The following AKAP6 variants were observed in gnomAD, a reference collection of about 807,000 sequenced individuals.
The protein encoded by AKAP6 is A-kinase anchoring protein 6, also known as A-kinase anchor protein 6.
Under a neutral mutation model 188.5 loss-of-function variants are expected in AKAP6, and 58 were observed. The ratio of observed to expected loss-of-function variants is 0.31; its 90% CI spans 0.25 to 0.38. The LOEUF is 0.38. AKAP6 is among the 10% of genes least tolerant of loss of function. The pLI, the probability that AKAP6 is intolerant of heterozygous loss-of-function variation, is 1.00. For missense variants in AKAP6, 2,710 were observed against 2,740.0 expected (o/e 0.99, Z 0.24); for synonymous variants, 989 against 998.6 (o/e 0.99, Z 0.18).
intron 13 of AKAP6, among the ~76,000 whole-genome samples, chr14:32,829,195 A>G (rs2034760058): frequency 6.6e-6 from 1 of 152,222 alleles, no homozygotes; most frequent in African/African-American, 2.4e-5. Flanking sequence ...TATCATAGCC[A>G]TGAGATGTAC....
intron 9 of AKAP6, among the ~76,000 whole-genome samples, chr14:32,705,798 C>G (rs1465965469): frequency 6.6e-6 from 1 of 152,122 alleles, no homozygotes; most frequent in Non-Finnish European, 1.5e-5. Flanking sequence ...TGGCTATTGG[C>G]TCTGCTTGGC....
intron 2 of AKAP6, among the ~76,000 whole-genome samples, chr14:32,491,413 C>T (rs1196914135): frequency 6.6e-6 from 1 of 152,204 alleles, no homozygotes; most frequent in African/African-American, 2.4e-5. Context: ...AAAGATCTCT[C>T]TAAATACAAA....
chr14:32,602,264 G>A (rs1885958030), intron 7 of AKAP6, among the ~76,000 whole-genome samples: 1 of 152,280 alleles, frequency 6.6e-6, no homozygotes, highest in African/African-American at 2.4e-5. Flanking sequence ...AGGAGGCTGA[G>A]GCAGGAGGAT....
intron 2 of AKAP6, among the ~76,000 whole-genome samples, chr14:32,478,262 C>T (rs529121515): frequency 6.6e-6 from 1 of 152,294 alleles, no homozygotes; most frequent in Non-Finnish European, 1.5e-5. Flanking sequence ...GCCCACAAGC[C>T]AAGTCCCTGT....
intron 7 of AKAP6, among the ~76,000 whole-genome samples, chr14:32,635,090 A>G (rs1887430390): frequency 6.6e-6 from 1 of 152,050 alleles, no homozygotes; most frequent in South Asian, 2.1e-4. Flanking sequence ...CTAGCTAAAT[A>G]AAGTGTATGT....
At chr14:32,697,988 A>G (rs569153287) in intron 9 of AKAP6, among the ~76,000 whole-genome samples, 5 of 152,166 alleles carry the variant, frequency 3.3e-5, no homozygotes, top group Admixed American at 6.5e-5. Context: ...GGTGCTTAAC[A>G]TAGCTCTGCT....
chr14:32,397,528 C>T (rs1174580966), intron 1 of AKAP6, among the ~76,000 whole-genome samples: 1 of 152,066 alleles, frequency 6.6e-6, no homozygotes, highest in Non-Finnish European at 1.5e-5. Flanking sequence ...CAGGTGCTTG[C>T]CACTGTTCCT....
intron 2 of AKAP6, among the ~76,000 whole-genome samples, chr14:32,463,808 G>C (rs1044534697): frequency 6.6e-6 from 1 of 152,054 alleles, no homozygotes; most frequent in African/African-American, 2.4e-5. Context: ...CCCAGGAGCT[G>C]GTTTTTTGAA....
chr14:32,674,132 A>C (rs1889333050), intron 7 of AKAP6, among the ~76,000 whole-genome samples: 1 of 152,182 alleles, frequency 6.6e-6, no homozygotes, highest in Non-Finnish European at 1.5e-5. Context: ...TCCTGAGGCA[A>C]GAAAGGGCTG....
chr14:32,419,012 C>A (rs1889751800), intron 1 of AKAP6, among the ~76,000 whole-genome samples: 1 of 152,134 alleles, frequency 6.6e-6, no homozygotes, highest in African/African-American at 2.4e-5. Flanking sequence ...CATCTTGAAG[C>A]AATTCATACT....
intron 2 of AKAP6, among the ~76,000 whole-genome samples, chr14:32,481,385 G>T (rs1485141156): frequency 6.6e-6 from 1 of 152,058 alleles, no homozygotes; most frequent in Non-Finnish European, 1.5e-5. Flanking sequence ...GTATTAGTTT[G>T]GTCTTATGCT....
chr14:32,547,008 G>A lies in AKAP6; in HGVS notation c.2346+9G>A. 1 of 1,578,514 alleles carries A rather than the reference G, an allele frequency of 6.3e-7. No homozygotes were observed. Reference sequence around the variant, plus strand: ...TATGGGAAAAAATAGAGGTAAGGTGGTTTTCTTAACATGAATGATTTCTCA... The same window carrying A: ...TATGGGAAAAAATAGAGGTAAGGTGATTTTCTTAACATGAATGATTTCTCA... On this transcript the variant is annotated intron_variant, in intron 4 of 13. Coordinates refer to ENST00000280979, the MANE Select transcript of AKAP6 (RefSeq NM_004274.5).
intron 12 of AKAP6, among the ~76,000 whole-genome samples, chr14:32,787,516 A>AC (rs76809877): frequency 0.026 from 3,898 of 151,606 alleles, 146 homozygotes; most frequent in African/African-American, 0.084. Flanking sequence ...TCTAGATTTC[A>AC]CCCCCCCCAA....
At chr14:32,430,942 T>TA (rs1890199766) in intron 1 of AKAP6, among the ~76,000 whole-genome samples, 1 of 151,886 alleles carries the variant, frequency 6.6e-6, no homozygotes, top group African/African-American at 2.4e-5. Context: ...CTGTCTCTAC[T>TA]AAAAAAAGTA....
At chr14:32,587,375 G>A (rs1387746086) in intron 5 of AKAP6, among the ~76,000 whole-genome samples, 1 of 152,216 alleles carries the variant, frequency 6.6e-6, no homozygotes, top group Non-Finnish European at 1.5e-5. Flanking sequence ...AGGTTAGGCA[G>A]ACATGGAGGG....
At chr14:32,332,806 G>C (rs372579303) in intron 1 of AKAP6, among the ~76,000 whole-genome samples, 2 of 152,146 alleles carry the variant, frequency 1.3e-5, no homozygotes, top group African/African-American at 4.8e-5. Flanking sequence ...TTTGCTGAAT[G>C]TATCAGTGGC....
intron 12 of AKAP6, among the ~76,000 whole-genome samples, chr14:32,794,833 C>CA (rs1325753348): frequency 6.6e-6 from 1 of 151,662 alleles, no homozygotes; most frequent in African/African-American, 2.4e-5. Context: ...AAAACCTCTT[C>CA]AAAAAATCAG....
intron 2 of AKAP6, among the ~76,000 whole-genome samples, chr14:32,455,178 C>T (rs1446398577): frequency 1.3e-5 from 2 of 151,508 alleles, no homozygotes; most frequent in Non-Finnish European, 2.9e-5. Context: ...AGATGGGCCT[C>T]ACTATGTTGC....
chr14:32,650,551 C>T (rs2139528289), intron 7 of AKAP6, among the ~76,000 whole-genome samples: 1 of 152,202 alleles, frequency 6.6e-6, no homozygotes, highest in East Asian at 1.9e-4. Flanking sequence ...GTGGAGATTG[C>T]AGTGAGCCAA....
Sources: allele counts gnomAD v4.1 joint callset (sites outside exome capture counted in the v4.1 genomes callset), GRCh38; gene constraint gnomAD v4.1.1; transcripts MANE v1.5; gene names NCBI Gene and HGNC (gene_info 2026-07-23, HGNC 2026-07-21).